The following CCDC6 variants were observed in gnomAD, a reference collection of about 807,000 sequenced individuals.
CCDC6 encodes coiled-coil domain-containing protein 6.
Under a neutral mutation model 56.6 loss-of-function variants are expected in CCDC6, and 20 were observed. The ratio of observed to expected loss-of-function variants is 0.35; its 90% confidence interval spans 0.25 to 0.51. The LOEUF (loss-of-function observed/expected upper bound fraction) is 0.51, where lower values mean the gene tolerates loss of function less well. Among genes scored for constraint, CCDC6 ranks in the 20% least tolerant of loss-of-function variants. CCDC6 has a pLI of 0.95. For missense variants in CCDC6, 367 were observed against 601.1 expected (o/e 0.61, Z 4.07); for synonymous variants, 241 against 234.4 (o/e 1.03, Z -0.26).
intron 5 of CCDC6, 30 bp downstream of exon 5, chr10:59,812,605 A>G (rs1484827295): frequency 3.2e-6 from 5 of 1,543,792 alleles, no homozygotes; most frequent in Admixed American, 1.8e-5. Flanking sequence ...TTCTACAGGC[A>G]TGAAACTAGT....
At chr10:59,831,001 A>G (rs1271916150) in intron 3 of CCDC6, among the ~76,000 whole-genome samples, 1 of 152,250 alleles carries the variant, frequency 6.6e-6, no homozygotes, top group Non-Finnish European at 1.5e-5. Flanking sequence ...TCACTTGGTT[A>G]ACTCTTGATT....
chr10:59,835,102 A>T, intron 2 of CCDC6, among the ~76,000 whole-genome samples: 1 of 152,222 alleles, frequency 6.6e-6, no homozygotes, highest in Non-Finnish European at 1.5e-5. Flanking sequence ...AAACCTTTAA[A>T]CTATTTGCAT....
intron 1 of CCDC6, among the ~76,000 whole-genome samples, chr10:59,899,250 C>A (rs1244999762): frequency 2.6e-5 from 4 of 152,188 alleles, no homozygotes; most frequent in Non-Finnish European, 5.9e-5. Flanking sequence ...ATTTACTCTG[C>A]CAACTTTGAC....
chr10:59,881,608 T>C (rs1241032427), intron 1 of CCDC6, among the ~76,000 whole-genome samples: 1 of 152,146 alleles, frequency 6.6e-6, no homozygotes, highest in Non-Finnish European at 1.5e-5. Context: ...GAGGCATGGA[T>C]GGCCAGAGGA....
intron 1 of CCDC6, among the ~76,000 whole-genome samples, chr10:59,871,321 A>G (rs1013874202): frequency 6.6e-6 from 1 of 152,056 alleles, no homozygotes; most frequent in African/African-American, 2.4e-5. Context: ...CCTTGTATAT[A>G]CGAAGCACTC....
intron 1 of CCDC6, among the ~76,000 whole-genome samples, chr10:59,905,621 C>A (rs2071537962): frequency 6.6e-6 from 1 of 152,230 alleles, no homozygotes; most frequent in Non-Finnish European, 1.5e-5. Flanking sequence ...GCCCCCTCCC[C>A]GGGCGATCCA....
chr10:59,829,738 G>C (rs1008851005), intron 3 of CCDC6, among the ~76,000 whole-genome samples: 9 of 152,198 alleles, frequency 5.9e-5, no homozygotes, highest in African/African-American at 1.9e-4. Context: ...AACAGCAGTT[G>C]CTTAGAGGTT....
chr10:59,885,105 A>G (rs546720504), intron 1 of CCDC6, among the ~76,000 whole-genome samples: 2 of 152,128 alleles, frequency 1.3e-5, no homozygotes, highest in Admixed American at 6.5e-5. Flanking sequence ...GAAGGAAGGA[A>G]GGAAGAAAAG....
At chr10:59,893,198 C>CG (rs928276358) in intron 1 of CCDC6, among the ~76,000 whole-genome samples, 4 of 151,922 alleles carry the variant, frequency 2.6e-5, no homozygotes, top group Non-Finnish European at 5.9e-5. Context: ...TTACTTTTTG[C>CG]GGGGGGAGGG....
intron 1 of CCDC6, among the ~76,000 whole-genome samples, chr10:59,901,497 T>C (rs1271766845): frequency 1.3e-5 from 2 of 152,242 alleles, no homozygotes; most frequent in Non-Finnish European, 2.9e-5. Context: ...GGTTTTCTAA[T>C]CATGCCAGAC....
chr10:59,905,454 G>GTA (rs1353600016), intron 1 of CCDC6, among the ~76,000 whole-genome samples: 2 of 152,184 alleles, frequency 1.3e-5, no homozygotes, highest in Non-Finnish European at 2.9e-5. Flanking sequence ...CCCTGTCCAG[G>GTA]CGTGGATGCT....
chr10:59,839,270 G>C (rs1381904609), intron 2 of CCDC6, among the ~76,000 whole-genome samples: 1 of 152,186 alleles, frequency 6.6e-6, no homozygotes, highest in Non-Finnish European at 1.5e-5. Context: ...TGCCATCCTA[G>C]AACACCTGGG....
At chr10:59,874,231 G>T (rs1420033162) in intron 1 of CCDC6, among the ~76,000 whole-genome samples, 1 of 151,932 alleles carries the variant, frequency 6.6e-6, no homozygotes, top group East Asian at 1.9e-4. Flanking sequence ...CACTCTAACA[G>T]GAATGTAACA....
intron 2 of CCDC6, among the ~76,000 whole-genome samples, chr10:59,845,324 GC>G (rs1474006401): frequency 6.9e-6 from 1 of 144,876 alleles, no homozygotes; most frequent in African/African-American, 2.6e-5. Flanking sequence ...AAGCTTCTGA[GC>G]CCTTACTTTT....
At chr10:59,859,192 G>A (rs374449614) in intron 1 of CCDC6, among the ~76,000 whole-genome samples, 24,075 of 121,766 alleles carry the variant, frequency 0.2, 2,544 homozygotes, top group African/African-American at 0.34. Context: ...AAAAATACAT[G>A]TGTGTGCGTG....
chr10:59,829,925 A>T (rs2070821554), intron 3 of CCDC6, among the ~76,000 whole-genome samples: 1 of 152,200 alleles, frequency 6.6e-6, no homozygotes. Flanking sequence ...TAGGGCTGTT[A>T]AAAAGAAAGT....
At chr10:59,858,084 A>G (rs1225149520) in intron 1 of CCDC6, among the ~76,000 whole-genome samples, 1 of 152,212 alleles carries the variant, frequency 6.6e-6, no homozygotes, top group Non-Finnish European at 1.5e-5. Context: ...TATCAACACC[A>G]ACCACTGTCC....
rs1374425807 is a variant in CCDC6, at chr10:59,790,970, A to G, written c.*1947T>C. On this transcript the variant is annotated 3_prime_UTR_variant, in exon 9 of 9. Transcript: ENST00000263102. ...AAAGATTCTTATAAACATATACCAT[A>G]TTTCTCCTATAAGAAAAACTGAGAA... 4.9e-6 allele frequency: 1 copy of G among 203,084 alleles called. No individual in the cohort carries two copies. Among genetic ancestry groups the G allele is most frequent in the Non-Finnish European group, 1.0e-5 (1 of 98,874 alleles). The allele number at this position is 203,084 out of a possible 1,614,324, so 12.6% of individuals were successfully genotyped here.
chr10:59,820,152 G>A (rs927457966), intron 3 of CCDC6, among the ~76,000 whole-genome samples: 1 of 152,238 alleles, frequency 6.6e-6, no homozygotes. Context: ...CAGAAAGGGA[G>A]TGGGCCAGCC....
Sources: gnomAD v4.1 joint callset for allele counts (sites outside exome capture counted in the v4.1 genomes callset) on GRCh38, gnomAD v4.1.1 for gene constraint, MANE v1.5 for transcripts, NCBI Gene and HGNC (gene_info 2026-07-23, HGNC 2026-07-21) for gene names.